TACR3: variants seen among roughly 807,000 people sequenced by gnomAD.
TACR3 encodes the protein neuromedin-K receptor.
Under a neutral mutation model 35.0 loss-of-function variants are expected in TACR3, and 34 were observed. That is an observed-to-expected ratio of 0.97 (90% CI 0.74 to 1.30). TACR3 has a LOEUF of 1.30. TACR3 is among the 50% of genes most tolerant of loss of function. TACR3 has a pLI of 0.00. For synonymous variants in TACR3, 233 were observed against 221.1 expected (o/e 1.05, Z -0.48); for missense variants, 558 against 591.7 (o/e 0.94, Z 0.59).
chr4:103,600,739 G>C (rs183739185), intron 3 of TACR3, among the ~76,000 whole-genome samples: 12 of 152,086 alleles, frequency 7.9e-5, no homozygotes, highest in African/African-American at 2.4e-4. Flanking sequence ...TTCAGGAGCC[G>C]GTTGTTCATT....
At chr4:103,686,054 T>A (rs1421943085) in intron 1 of TACR3, among the ~76,000 whole-genome samples, 2 of 152,184 alleles carry the variant, frequency 1.3e-5, no homozygotes, top group Non-Finnish European at 2.9e-5. Context: ...ATAGCAGTGT[T>A]AGTTGGAGAA....
chr4:103,618,277 C>G (rs1724703064), intron 3 of TACR3, among the ~76,000 whole-genome samples: 1 of 152,094 alleles, frequency 6.6e-6, no homozygotes, highest in Non-Finnish European at 1.5e-5. Context: ...AGGAGTCCAG[C>G]TTCAATCTTC....
At chr4:103,610,702 C>T (rs1463336839) in intron 3 of TACR3, among the ~76,000 whole-genome samples, 1 of 152,098 alleles carries the variant, frequency 6.6e-6, no homozygotes, top group Non-Finnish European at 1.5e-5. Context: ...ATATCCTTGT[C>T]CAGATCAATG....
chr4:103,703,289 A>G (rs568840820), intron 1 of TACR3, among the ~76,000 whole-genome samples: 9 of 152,320 alleles, frequency 5.9e-5, no homozygotes, highest in East Asian at 1.9e-4. Flanking sequence ...TTCAATGGCA[A>G]TAAGTACATT....
chr4:103,616,596 A>G (rs574652815), intron 3 of TACR3, among the ~76,000 whole-genome samples: 1 of 108,146 alleles, frequency 9.2e-6, no homozygotes, highest in Admixed American at 8.3e-5. Context: ...TTAAAAGATT[A>G]AAAGATTATC....
At chr4:103,679,482 G>T (rs2110207956) in intron 1 of TACR3, among the ~76,000 whole-genome samples, 1 of 152,012 alleles carries the variant, frequency 6.6e-6, no homozygotes, top group South Asian at 2.1e-4. Flanking sequence ...AGTACTTTTG[G>T]TTTTCCTGAA....
Position 103,719,827 on chromosome 4 carries a change from T to C in TACR3, c.-152A>G. ...GAAAGATACTGCAATCCCTGCTGGT[T>C]AGGGGATGCAGCTGGGGCTAAGGGG... On this transcript the variant is annotated 5_prime_UTR_variant, in exon 1 of 5. Coordinates refer to ENST00000304883, the MANE Select transcript of TACR3 (RefSeq NM_001059.3). The C allele has an allele frequency of 9.8e-7, 1 of 1,024,444 alleles. No homozygotes were observed. Among genetic ancestry groups the C allele is most frequent in the Non-Finnish European group, 1.4e-6 (1 of 701,158 alleles). 63.5% of individuals were successfully genotyped at this position (1,024,444 alleles called of 1,614,324 possible).
rs960300920 is a variant in TACR3 at position 103,711,368 on chromosome 4, A to G, written c.548+7760T>C. Among the ~76,000 whole-genome samples the G allele has an allele frequency of 2.2e-4, 33 of 152,228 alleles. 1 individual carries two copies. The highest frequency in any genetic ancestry group is 6.5e-4 in the Admixed American group (10 of 15,284). ...CAAATCAATAAACATAATCCAGCAT[A>G]TAAACAGAACCAATGACAAAAAGCA... On this transcript the variant is annotated intron_variant, in intron 1 of 4. Coordinates refer to ENST00000304883, the MANE Select transcript of TACR3 (RefSeq NM_001059.3).
chr4:103,681,187 C>T (rs900180762), intron 1 of TACR3, among the ~76,000 whole-genome samples: 2 of 151,944 alleles, frequency 1.3e-5, no homozygotes, highest in African/African-American at 4.8e-5. Flanking sequence ...TATTCAGAGG[C>T]AGTCAAATCA....
chr4:103,596,871 G>C (rs560592474), intron 3 of TACR3, among the ~76,000 whole-genome samples: 1 of 151,438 alleles, frequency 6.6e-6, no homozygotes, highest in Admixed American at 6.6e-5. Context: ...TTGTCCTTGC[G>C]ATAGTTTGCT....
At chr4:103,701,979 C>T (rs1322860768) in intron 1 of TACR3, among the ~76,000 whole-genome samples, 3 of 152,144 alleles carry the variant, frequency 2.0e-5, no homozygotes, top group Non-Finnish European at 2.9e-5. Flanking sequence ...CCATTCAGGA[C>T]ATAGGCACGG....
intron 3 of TACR3, 102 bp from the exon 4 acceptor site, chr4:103,591,785 C>G (rs1723903327): frequency 1.3e-5 from 15 of 1,115,598 alleles, no homozygotes; most frequent in Non-Finnish European, 2.0e-5. Context: ...AAATACACAT[C>G]ATGCCTAGGG....
intron 3 of TACR3, among the ~76,000 whole-genome samples, chr4:103,616,732 A>C (rs908744920): frequency 1.3e-5 from 2 of 152,118 alleles, no homozygotes; most frequent in African/African-American, 4.8e-5. Context: ...AGGTCTCTTG[A>C]GCCTAGGAGT....
At position 103,606,915 on chromosome 4, in the gene TACR3, T is replaced by C. The variant is rs1045840037; in HGVS notation, c.889-15232A>G. Reference sequence around the variant, plus strand: ...GTCTTGTGCCAGTTTTCAAAGGGAATGCTTCCAGTTTTTGCCCATTCAGTA... The same window carrying C: ...GTCTTGTGCCAGTTTTCAAAGGGAACGCTTCCAGTTTTTGCCCATTCAGTA... On this transcript the variant is annotated intron_variant, in intron 3 of 4. Coordinates refer to ENST00000304883, the MANE Select transcript of TACR3 (RefSeq NM_001059.3). Among the ~76,000 whole-genome samples, 285 of 152,274 alleles carry C rather than the reference T, an allele frequency of 1.9e-3. 1 individual carries two copies. Among genetic ancestry groups the C allele is most frequent in the Admixed American group, 3.0e-3 (46 of 15,282 alleles).
intron 3 of TACR3, among the ~76,000 whole-genome samples, chr4:103,633,909 T>C (rs1021036813): frequency 5.3e-5 from 8 of 152,070 alleles, no homozygotes; most frequent in Non-Finnish European, 1.5e-5. Context: ...TCTTTCAAAA[T>C]AGAAGCTGAA....
Position 103,679,042 on chromosome 4 carries a change from T to C in TACR3, c.549-20639A>G, listed in dbSNP as rs188785454. Among the ~76,000 whole-genome samples the C allele has an allele frequency of 4.6e-3, 702 of 152,164 alleles. 6 individuals are homozygous for C. The highest frequency in any genetic ancestry group is 0.016 in the African/African-American group (661 of 41,568). ...AGTTCACACCAAATTATTAATTTTC[T>C]GTATGGTGGATTTCAGTTCCATTAA... On this transcript the variant is annotated intron_variant, in intron 1 of 4. Coordinates refer to ENST00000304883, the MANE Select transcript of TACR3 (RefSeq NM_001059.3).
intron 1 of TACR3, among the ~76,000 whole-genome samples, chr4:103,718,319 C>T (rs1000636345): frequency 1.3e-5 from 2 of 152,300 alleles, no homozygotes; most frequent in African/African-American, 4.8e-5. Flanking sequence ...TATTGATTTT[C>T]ACCACAAAGT....
intron 3 of TACR3, among the ~76,000 whole-genome samples, chr4:103,623,102 C>A (rs541615613): frequency 6.6e-6 from 1 of 151,990 alleles, no homozygotes; most frequent in Non-Finnish European, 1.5e-5. Flanking sequence ...ATATATTTAT[C>A]TTAAATCCTC....
At chr4:103,631,456 C>T (rs1725065475) in intron 3 of TACR3, among the ~76,000 whole-genome samples, 1 of 151,892 alleles carries the variant, frequency 6.6e-6, no homozygotes. Context: ...TGGCAGAGCA[C>T]ATAAATATTT....
Sources: allele counts gnomAD v4.1 joint callset (sites outside exome capture counted in the v4.1 genomes callset), GRCh38; gene constraint gnomAD v4.1.1; transcripts MANE v1.5; gene names NCBI Gene and HGNC (gene_info 2026-07-23, HGNC 2026-07-21).